Variants in TMEM135 observed in about 807,000 individuals in gnomAD.
TMEM135 encodes peroxisomal membrane protein 52.
In TMEM135, 30 loss-of-function variants were observed where a neutral mutation model predicts 60.3. That is an observed-to-expected ratio of 0.50 (90% CI 0.37 to 0.68). The LOEUF (loss-of-function observed/expected upper bound fraction) is 0.68, where lower values mean the gene tolerates loss of function less well. Ranked by LOEUF, TMEM135 falls within the 30% of genes least tolerant of loss-of-function variation. The pLI, the probability that TMEM135 is intolerant of heterozygous loss-of-function variation, is 0.00. For synonymous variants in TMEM135, 190 were observed against 186.7 expected, an observed-to-expected ratio of 1.02 and a Z score of -0.14; for missense variants, 468 against 548.8, an observed-to-expected ratio of 0.85 and a Z score of 1.47.
intron 5 of TMEM135, among the ~76,000 whole-genome samples, chr11:87,199,813 C>T (rs1341038261): frequency 6.6e-6 from 1 of 152,110 alleles, no homozygotes; most frequent in Non-Finnish European, 1.5e-5. Flanking sequence ...GCCTGTAATC[C>T]CAGCTACTAG....
chr11:87,223,675 A>G (rs548418763), intron 5 of TMEM135, among the ~76,000 whole-genome samples: 42 of 150,336 alleles, frequency 2.8e-4, no homozygotes, highest in South Asian at 1.7e-3. Context: ...ACGCACACAC[A>G]CACACACACA....
intron 4 of TMEM135, chr11:87,095,029 C>G (rs2445541): frequency 0.54 from 99,006 of 184,364 alleles, 27,473 homozygotes; most frequent in East Asian, 0.7. Context: ...CGGGGGTGTT[C>G]AATGGGTTTC....
At position 87,066,779 on chromosome 11, in the gene TMEM135, C is replaced by CTTTTT. The variant is rs201355341; in HGVS notation, c.142-912_142-911insTTTTT. Among the ~76,000 whole-genome samples the CTTTTT allele has an allele frequency of 7.0e-5, 9 of 129,136 alleles. 1 individual carries two copies. Among genetic ancestry groups the CTTTTT allele is most frequent in the Admixed American group, 1.6e-4 (2 of 12,608 alleles). 84.7% of individuals were successfully genotyped at this position (129,136 alleles called of 152,430 possible). A position where few individuals can be genotyped will look rare whatever the true frequency, so the allele number is the denominator to read the frequency against. On this transcript the variant is annotated intron_variant, in intron 1 of 14. Transcript: ENST00000305494. ...TACATACTTGTGTTGTTACTAGATTCTTTCTTTTTTTTTTTTTTTTGAGAC... is the reference window on the plus strand; with the variant it reads ...TACATACTTGTGTTGTTACTAGATTCTTTTTTTTCTTTTTTTTTTTTTTTTGAGAC...
chr11:87,253,632 CATATATATAT>C (rs60680451), intron 6 of TMEM135, among the ~76,000 whole-genome samples: 4 of 128,350 alleles, frequency 3.1e-5, no homozygotes, highest in Admixed American at 8.8e-5. Context: ...AAGGATGAGC[CATATATATAT>C]ATATATATAT....
chr11:87,275,749 A>T (rs1941955272), intron 6 of TMEM135, among the ~76,000 whole-genome samples: 1 of 151,970 alleles, frequency 6.6e-6, no homozygotes, highest in Non-Finnish European at 1.5e-5. Flanking sequence ...CAAACTCCTC[A>T]TCCTGGGTTC....
rs917232733 is a variant in TMEM135 at position 87,211,943 on chromosome 11, C to CA, written c.463-24684dup. On this transcript the variant is annotated intron_variant, in intron 5 of 14. Coordinates refer to ENST00000305494, the MANE Select transcript of TMEM135 (RefSeq NM_022918.4). ...TGGGTGACAGAGGGAGACTCCGTCT[C>CA]AAAAAAAAAAATAAGAAAAAAGAAA... Among the ~76,000 whole-genome samples the CA allele has an allele frequency of 1.8e-3, 251 of 136,946 alleles. 2 individuals carry two copies. Among genetic ancestry groups the CA allele is most frequent in the Admixed American group, 4.3e-3 (58 of 13,544 alleles). 89.8% of individuals were successfully genotyped at this position (136,946 alleles called of 152,430 possible).
At chr11:87,147,874 C>T (rs1938458171) in intron 4 of TMEM135, among the ~76,000 whole-genome samples, 1 of 152,204 alleles carries the variant, frequency 6.6e-6, no homozygotes, top group Admixed American at 6.5e-5. Flanking sequence ...TCTCCTGCCT[C>T]AGCCTCCCGA....
At chr11:87,261,686 G>C (rs980768635) in intron 6 of TMEM135, among the ~76,000 whole-genome samples, 2 of 152,060 alleles carry the variant, frequency 1.3e-5, no homozygotes, top group Non-Finnish European at 2.9e-5. Flanking sequence ...CAGTGGCACA[G>C]TCATGACTCA....
chr11:87,272,278 A>G (rs2135412035), intron 6 of TMEM135, among the ~76,000 whole-genome samples: 1 of 150,446 alleles, frequency 6.6e-6, no homozygotes, highest in East Asian at 2.0e-4. Context: ...CTGGTCTCAA[A>G]CTCCTGACCT....
At chr11:87,253,632 C>CATAT (rs60680451) in intron 6 of TMEM135, among the ~76,000 whole-genome samples, 3 of 128,362 alleles carry the variant, frequency 2.3e-5, no homozygotes, top group African/African-American at 8.6e-5. Flanking sequence ...AAGGATGAGC[C>CATAT]ATATATATAT....
chr11:87,068,760 G>A (rs916559057), intron 2 of TMEM135, among the ~76,000 whole-genome samples: 15 of 148,930 alleles, frequency 1.0e-4, no homozygotes, highest in African/African-American at 3.7e-4. Flanking sequence ...GCAGTGAGCC[G>A]AGATCGCGCC....
chr11:87,289,332 A>G (rs1942223303), intron 6 of TMEM135, among the ~76,000 whole-genome samples: 1 of 150,800 alleles, frequency 6.6e-6, no homozygotes. Context: ...ATTTGAAACT[A>G]TGTATTACTG....
intron 5 of TMEM135, among the ~76,000 whole-genome samples, chr11:87,166,674 T>C (rs607894): frequency 0.37 from 56,048 of 151,378 alleles, 11,340 homozygotes; most frequent in East Asian, 0.67. Flanking sequence ...ATATCTGTTT[T>C]GGTACCAGTA....
chr11:87,282,964 T>A (rs184915), intron 6 of TMEM135, among the ~76,000 whole-genome samples: 78,654 of 151,944 alleles, frequency 0.52, 20,556 homozygotes, highest in African/African-American at 0.54. Context: ...TTTGAGAGGA[T>A]GTAAGCTGGA....
chr11:87,309,500 T>C lies in TMEM135; in HGVS notation c.769-5T>C. On this transcript the variant is annotated splice_polypyrimidine_tract_variant and splice_region_variant and intron_variant, in intron 9 of 14. Transcript: ENST00000305494. ...AAATCAGGTTTTTCTCCAAATTTCC[T>C]CTAGGGTTTCATCAGAATGTTTAGC... 6.2e-7 allele frequency: 1 copy of C among 1,613,608 alleles called. No homozygotes were observed. Among genetic ancestry groups the C allele is most frequent in the Non-Finnish European group, 8.5e-7 (1 of 1,179,640 alleles).
At chr11:87,180,572 G>A (rs1023327778) in intron 5 of TMEM135, among the ~76,000 whole-genome samples, 2 of 152,066 alleles carry the variant, frequency 1.3e-5, no homozygotes, top group African/African-American at 4.8e-5. Flanking sequence ...GAGCATGTGT[G>A]GAACTTTTTC....
At chr11:87,198,197 A>T (rs564033101) in intron 5 of TMEM135, among the ~76,000 whole-genome samples, 1 of 152,264 alleles carries the variant, frequency 6.6e-6, no homozygotes, top group East Asian at 1.9e-4. Context: ...TCTATTCTTT[A>T]TGTACATGAG....
At chr11:87,193,014 C>T (rs985084044) in intron 5 of TMEM135, among the ~76,000 whole-genome samples, 6 of 152,068 alleles carry the variant, frequency 3.9e-5, no homozygotes, top group African/African-American at 1.4e-4. Flanking sequence ...ACTTGGGAGG[C>T]TGAGGCAGGA....
chr11:87,131,080 G>A (rs1431275943), intron 4 of TMEM135, among the ~76,000 whole-genome samples: 1 of 151,456 alleles, frequency 6.6e-6, no homozygotes, highest in East Asian at 1.9e-4. Context: ...TTTTAAACCA[G>A]TTTTTGCTTT....
Sources: allele counts gnomAD v4.1 joint callset (sites outside exome capture counted in the v4.1 genomes callset), GRCh38; gene constraint gnomAD v4.1.1; transcripts MANE v1.5; gene names NCBI Gene and HGNC (gene_info 2026-07-23, HGNC 2026-07-21).